PARD3: variants seen among roughly 807,000 people sequenced by gnomAD.
PARD3 encodes the protein par-3 family cell polarity regulator.
In PARD3, 75 loss-of-function variants were observed where a neutral mutation model predicts 155.4. That is an observed-to-expected ratio of 0.48 (90% CI 0.40 to 0.58). The LOEUF is 0.58. PARD3 is among the 20% of genes least tolerant of loss of function. PARD3 has a pLI of 0.00. For synonymous variants in PARD3, 576 were observed against 610.5 expected, an observed-to-expected ratio of 0.94 and a Z score of 0.83; for missense variants, 1,642 against 1,721.7, an observed-to-expected ratio of 0.95 and a Z score of 0.82.
rs112808919 is a variant in PARD3 at position 34,721,498 on chromosome 10, C to T, written c.121-25079G>A. 6.2e-3 allele frequency among the ~76,000 whole-genome samples: 937 copies of T among 152,318 alleles called. 11 individuals are homozygous for T. Among genetic ancestry groups the T allele is most frequent in the African/African-American group, 0.022 (915 of 41,576 alleles). ...CCCTCTCCTCCAACCCCATAGCCAG[C>T]GAAAAGGCAATACCCTGAGAGGGGC... On this transcript the variant is annotated intron_variant, in intron 1 of 24. Transcript: ENST00000374788.
At chr10:34,326,941 A>G (rs1835089763) in intron 19 of PARD3, among the ~76,000 whole-genome samples, 1 of 152,246 alleles carries the variant, frequency 6.6e-6, no homozygotes, top group African/African-American at 2.4e-5. Context: ...AGGTATAATT[A>G]ATAGGAGATA....
chr10:34,269,446 T>C, intron 22 of PARD3, among the ~76,000 whole-genome samples: 1 of 152,204 alleles, frequency 6.6e-6, no homozygotes, highest in Non-Finnish European at 1.5e-5. Flanking sequence ...TGAAATATGT[T>C]GGAATCATTA....
rs1446531273 is a variant in PARD3 at position 34,109,926 on chromosome 10, T to C, written c.*1243A>G. ...TCCACATCGGGATTCACAGGCACTT[T>C]AGCACCCCAGCCATGGTTTACAATA... is the stretch of plus-strand genomic sequence containing the variant. On this transcript the variant is annotated 3_prime_UTR_variant, in exon 25 of 25. Coordinates refer to ENST00000374788, the MANE Select transcript of PARD3 (RefSeq NM_001184785.2). 1 of 152,042 alleles carries C rather than the reference T, an allele frequency of 6.6e-6. No homozygotes were observed. Among genetic ancestry groups the C allele is most frequent in the Non-Finnish European group, 1.5e-5 (1 of 68,006 alleles). 9.4% of individuals were successfully genotyped at this position (152,042 alleles called of 1,614,324 possible).
At chr10:34,176,042 T>A (rs1026662451) in intron 22 of PARD3, among the ~76,000 whole-genome samples, 2 of 152,216 alleles carry the variant, frequency 1.3e-5, no homozygotes, top group East Asian at 3.8e-4. Flanking sequence ...TTAGCAAATA[T>A]GTTTCTCTAA....
At chr10:34,554,667 A>C (rs1046702260) in intron 2 of PARD3, among the ~76,000 whole-genome samples, 1 of 152,372 alleles carries the variant, frequency 6.6e-6, no homozygotes, top group East Asian at 1.9e-4. Flanking sequence ...GTTACAATTA[A>C]GGCCAATGAC....
intron 2 of PARD3, among the ~76,000 whole-genome samples, chr10:34,691,585 G>GA (rs1478787042): frequency 6.6e-6 from 1 of 151,958 alleles, no homozygotes; most frequent in Non-Finnish European, 1.5e-5. Context: ...CACAGAATTG[G>GA]AAAAAAAGAA....
intron 2 of PARD3, among the ~76,000 whole-genome samples, chr10:34,561,597 C>A (rs1212568956): frequency 3.3e-5 from 5 of 151,920 alleles, no homozygotes; most frequent in African/African-American, 1.2e-4. Context: ...CGGCTCACTG[C>A]AACCTCTGCC....
chr10:34,257,008 C>A (rs1399579123), intron 22 of PARD3, among the ~76,000 whole-genome samples: 1 of 152,124 alleles, frequency 6.6e-6, no homozygotes, highest in Non-Finnish European at 1.5e-5. Context: ...AAACAGGTAT[C>A]TTTTAAAATC....
At chr10:34,591,804 C>T (rs2088718524) in intron 2 of PARD3, among the ~76,000 whole-genome samples, 1 of 152,144 alleles carries the variant, frequency 6.6e-6, no homozygotes, top group African/African-American at 2.4e-5. Context: ...GAGTTTCGAT[C>T]AAGGTTAGGA....
At chr10:34,705,822 C>T (rs1208992168) in intron 1 of PARD3, among the ~76,000 whole-genome samples, 5 of 152,172 alleles carry the variant, frequency 3.3e-5, no homozygotes, top group African/African-American at 9.7e-5. Flanking sequence ...AGGTGGATAG[C>T]TTCATTTATC....
chr10:34,318,759 AT>A (rs1296095782), intron 19 of PARD3, among the ~76,000 whole-genome samples: 2 of 151,912 alleles, frequency 1.3e-5, no homozygotes, highest in East Asian at 1.9e-4. Context: ...AAAGCTCAGA[AT>A]TTTTTTATTT....
rs1173106786 is a variant in PARD3 at position 34,110,348 on chromosome 10, T to C, written c.*821A>G. 6.6e-6 allele frequency: 1 copy of C among 152,166 alleles called. No individual in the cohort carries two copies. Among genetic ancestry groups the C allele is most frequent in the Non-Finnish European group, 1.5e-5 (1 of 68,052 alleles). 9.4% of individuals were successfully genotyped at this position (152,166 alleles called of 1,614,324 possible). On this transcript the variant is annotated 3_prime_UTR_variant, in exon 25 of 25. Transcript: ENST00000374788. The stretch of plus-strand genomic sequence containing the variant: ...GCCATGAGCTCTTCCTAGGAGAATT[T>C]CTTTCTTAGCTCTCCCCTCATGATA...
intron 5 of PARD3, among the ~76,000 whole-genome samples, chr10:34,418,691 G>C (rs1845900387): frequency 6.6e-6 from 1 of 152,136 alleles, no homozygotes; most frequent in South Asian, 2.1e-4. Flanking sequence ...AATCACTGTA[G>C]TTGACATAAA....
intron 2 of PARD3, among the ~76,000 whole-genome samples, chr10:34,665,568 C>T (rs1275894903): frequency 2.6e-5 from 4 of 151,672 alleles, no homozygotes; most frequent in South Asian, 2.1e-4. Flanking sequence ...GGGCCTGGCA[C>T]GGTGCTCACA....
At chr10:34,270,892 C>T (rs528905486) in intron 21 of PARD3, among the ~76,000 whole-genome samples, 32 of 152,204 alleles carry the variant, frequency 2.1e-4, no homozygotes, top group Middle Eastern at 3.4e-3. Context: ...GTTTAGTTTA[C>T]TATGATTTTA....
intron 22 of PARD3, among the ~76,000 whole-genome samples, chr10:34,232,217 T>C (rs891102775): frequency 2.7e-4 from 41 of 152,240 alleles, no homozygotes; most frequent in African/African-American, 7.2e-4. Flanking sequence ...TATGAGATAT[T>C]TGGGGGACTG....
At chr10:34,182,578 C>G (rs1950313499) in intron 22 of PARD3, among the ~76,000 whole-genome samples, 2 of 152,066 alleles carry the variant, frequency 1.3e-5, no homozygotes, top group African/African-American at 4.8e-5. Flanking sequence ...TTTCGGAAAA[C>G]ACCTGGTATA....
intron 1 of PARD3, among the ~76,000 whole-genome samples, chr10:34,697,439 T>C (rs887631103): frequency 3.3e-5 from 5 of 152,188 alleles, no homozygotes; most frequent in African/African-American, 1.2e-4. Flanking sequence ...TACAGATTCC[T>C]GGACCCTGTT....
At chr10:34,658,749 G>T (rs1464667824) in intron 2 of PARD3, among the ~76,000 whole-genome samples, 1 of 152,170 alleles carries the variant, frequency 6.6e-6, no homozygotes, top group Non-Finnish European at 1.5e-5. Flanking sequence ...TAAAGCTCCA[G>T]GGAGCAGCTA....
Sources: gnomAD v4.1 joint callset for allele counts (sites outside exome capture counted in the v4.1 genomes callset) on GRCh38, gnomAD v4.1.1 for gene constraint, MANE v1.5 for transcripts, NCBI Gene and HGNC (gene_info 2026-07-23, HGNC 2026-07-21) for gene names.